Variants in TRHDE observed in about 807,000 individuals in gnomAD.
TRHDE encodes thyrotropin-releasing hormone-degrading ectoenzyme.
In TRHDE, 72 loss-of-function variants were observed where a neutral mutation model predicts 125.7. The ratio of observed to expected loss-of-function variants is 0.57; its 90% CI spans 0.47 to 0.70. TRHDE has a LOEUF of 0.70. Ranked by LOEUF, TRHDE falls within the 30% of genes least tolerant of loss-of-function variation. The probability of loss-of-function intolerance (pLI) is 0.00; values close to 1 mark genes in which losing one functional copy is unlikely to be tolerated. For synonymous variants in TRHDE, 509 were observed against 509.1 expected (o/e 1.00, Z 0.00); for missense variants, 1,110 against 1,327.1 (o/e 0.84, Z 2.54).
intron 5 of TRHDE, among the ~76,000 whole-genome samples, chr12:72,473,766 G>A (rs977572332): frequency 6.6e-6 from 1 of 151,776 alleles, no homozygotes; most frequent in African/African-American, 2.4e-5. Context: ...GTAGAGGGAG[G>A]GTGTAGTTTT....
intron 5 of TRHDE, among the ~76,000 whole-genome samples, chr12:72,483,946 A>G (rs1401031831): frequency 3.3e-5 from 5 of 152,042 alleles, no homozygotes; most frequent in African/African-American, 1.2e-4. Flanking sequence ...AATTAAGATC[A>G]GTTGTATGGC....
rs1410490529 is a variant in TRHDE at position 72,380,759 on chromosome 12, C to T, written c.1315+2638C>T. The stretch of plus-strand genomic sequence containing the variant: ...GCTTCCTTCCTTCCTTCCTTCCTTC[C>T]TTCCTTGCTTCCTTCCTTCCTTCCT... On this transcript the variant is annotated intron_variant, in intron 3 of 18. Coordinates refer to ENST00000261180, the MANE Select transcript of TRHDE (RefSeq NM_013381.3). 8.9e-4 allele frequency among the ~76,000 whole-genome samples: 80 copies of T among 89,994 alleles called. 2 individuals are homozygous for T. The highest frequency in any genetic ancestry group is 5.2e-3 in the African/African-American group (75 of 14,450). The allele number at this position is 89,994 out of a possible 152,430, so 59.0% of individuals were successfully genotyped here. A position where few individuals can be genotyped will look rare whatever the true frequency, so the allele number is the denominator to read the frequency against.
chr12:72,198,761 T>G (rs1877494484), intron 2 of TRHDE, among the ~76,000 whole-genome samples: 1 of 152,010 alleles, frequency 6.6e-6, no homozygotes, highest in Non-Finnish European at 1.5e-5. Context: ...TCAAGGTGAG[T>G]GTATTAGTCT....
chr12:72,108,390 G>A (rs1875237777), intron 2 of TRHDE, among the ~76,000 whole-genome samples: 1 of 152,064 alleles, frequency 6.6e-6, no homozygotes, highest in Non-Finnish European at 1.5e-5. Flanking sequence ...TTTTACATAT[G>A]TTGACAGAAT....
intron 1 of TRHDE, among the ~76,000 whole-genome samples, chr12:72,276,404 C>A (rs1427423755): frequency 1.3e-5 from 2 of 152,152 alleles, no homozygotes; most frequent in Non-Finnish European, 2.9e-5. Flanking sequence ...CTTAAAACAG[C>A]AATACTACAG....
intron 2 of TRHDE, among the ~76,000 whole-genome samples, chr12:72,239,766 T>A (rs979741313): frequency 1.2e-4 from 18 of 152,186 alleles, no homozygotes; most frequent in African/African-American, 3.4e-4. Context: ...CCAAAATAGT[T>A]CTCCTAAATA....
At chr12:72,364,893 T>C (rs1372488280) in intron 2 of TRHDE, among the ~76,000 whole-genome samples, 3 of 152,114 alleles carry the variant, frequency 2.0e-5, no homozygotes. Flanking sequence ...GTAAAATAGA[T>C]AGCTTAATAA....
chr12:72,495,428 C>G (rs1877874128), intron 5 of TRHDE, among the ~76,000 whole-genome samples: 1 of 152,024 alleles, frequency 6.6e-6, no homozygotes, highest in African/African-American at 2.4e-5. Flanking sequence ...TTCATGTTTC[C>G]TCTGCCAGAT....
chr12:72,340,039 T>C (rs1870010645), intron 2 of TRHDE, among the ~76,000 whole-genome samples: 1 of 152,164 alleles, frequency 6.6e-6, no homozygotes. Context: ...TGCAACTGCA[T>C]TGCAGGTCAG....
chr12:72,573,734 G>GA (rs1870855456), intron 10 of TRHDE, among the ~76,000 whole-genome samples: 2 of 151,972 alleles, frequency 1.3e-5, no homozygotes, highest in Middle Eastern at 3.4e-3. Context: ...ATTAGAATGT[G>GA]AAAAATGTAT....
chr12:72,476,573 C>T (rs1876903475), intron 5 of TRHDE, among the ~76,000 whole-genome samples: 1 of 152,138 alleles, frequency 6.6e-6, no homozygotes, highest in African/African-American at 2.4e-5. Flanking sequence ...TTCACTACAC[C>T]TGAGCCTGTA....
intron 2 of TRHDE, among the ~76,000 whole-genome samples, chr12:72,363,302 G>A (rs535571173): frequency 1.5e-4 from 10 of 65,022 alleles, no homozygotes; most frequent in African/African-American, 4.7e-4. Context: ...TACCAAAGCT[G>A]GGCAGAGACA....
intron 12 of TRHDE, among the ~76,000 whole-genome samples, chr12:72,576,248 AG>A (rs1870988394): frequency 6.6e-6 from 1 of 152,138 alleles, no homozygotes; most frequent in Non-Finnish European, 1.5e-5. Context: ...AAATTATACA[AG>A]CTGTCAATTA....
At chr12:72,229,376 G>A (rs903333545) in intron 2 of TRHDE, among the ~76,000 whole-genome samples, 1 of 152,076 alleles carries the variant, frequency 6.6e-6, no homozygotes, top group African/African-American at 2.4e-5. Context: ...TCACTATCAC[G>A]AGAACAACAT....
At chr12:72,437,702 A>G (rs886235694) in intron 3 of TRHDE, among the ~76,000 whole-genome samples, 2 of 151,844 alleles carry the variant, frequency 1.3e-5, no homozygotes, top group Admixed American at 6.6e-5. Context: ...AAACAACATA[A>G]TATTTTGAAA....
At chr12:72,563,107 A>G (rs1565791431) in intron 9 of TRHDE, 67 bp downstream of exon 9, 11 of 1,178,610 alleles carry the variant, frequency 9.3e-6, no homozygotes, top group Non-Finnish European at 9.6e-6. Flanking sequence ...TAATATTTCA[A>G]AGAGCATTAA....
In TRHDE at chr12:72,441,305, GA is replaced by G. The variant is rs375126453; in HGVS notation, c.1316-28447del. Among the ~76,000 whole-genome samples, 784 of 151,886 alleles carry G rather than the reference GA, an allele frequency of 5.2e-3. 3 individuals carry two copies. The highest frequency in any genetic ancestry group is 0.018 in the African/African-American group (743 of 41,492). ...TGGAAGTTATGTAGTCATTTGCATG[GA>G]AAAAATAGTTTGTTATTTGGGTACA... On this transcript the variant is annotated intron_variant, in intron 3 of 18. Coordinates refer to ENST00000261180, the MANE Select transcript of TRHDE (RefSeq NM_013381.3).
At chr12:72,286,594 A>C in intron 1 of TRHDE, 87 bp from the exon 2 acceptor site, 2 of 1,270,582 alleles carry the variant, frequency 1.6e-6, no homozygotes, top group East Asian at 4.7e-5. Flanking sequence ...GGAATAATAT[A>C]TTATTTCATC....
At chr12:72,378,655 C>G (rs1872008198) in intron 3 of TRHDE, among the ~76,000 whole-genome samples, 1 of 152,082 alleles carries the variant, frequency 6.6e-6, no homozygotes, top group Admixed American at 6.5e-5. Flanking sequence ...TGTATGTTAT[C>G]CCTTAGATTA....
Sources: allele counts gnomAD v4.1 joint callset (sites outside exome capture counted in the v4.1 genomes callset), GRCh38; gene constraint gnomAD v4.1.1; transcripts MANE v1.5; gene names NCBI Gene and HGNC (gene_info 2026-07-23, HGNC 2026-07-21).